PIP5K1B: variants seen among roughly 807,000 people sequenced by gnomAD.
PIP5K1B encodes the protein phosphatidylinositol 4-phosphate 5-kinase type-1 beta.
PIP5K1B carries 42 observed loss-of-function variants against 67.0 expected under a neutral mutation model. That is an observed-to-expected ratio of 0.63 (90% CI 0.49 to 0.81). The LOEUF is 0.81. Ranked by LOEUF, PIP5K1B falls within the 30% of genes least tolerant of loss-of-function variation. PIP5K1B has a pLI of 0.00. For synonymous variants in PIP5K1B, 214 were observed against 231.4 expected, an observed-to-expected ratio of 0.92 and a Z score of 0.68; for missense variants, 459 against 646.3, an observed-to-expected ratio of 0.71 and a Z score of 3.14.
At chr9:68,981,976 C>G (rs1255496017) in intron 14 of PIP5K1B, among the ~76,000 whole-genome samples, 1 of 152,114 alleles carries the variant, frequency 6.6e-6, no homozygotes, top group East Asian at 1.9e-4. Flanking sequence ...CTGGCAGTTT[C>G]TGTGTTTTTA....
At chr9:68,780,008 A>C (rs1831146571) in intron 2 of PIP5K1B, 2 of 976,412 alleles carry the variant, frequency 2.0e-6, no homozygotes, top group East Asian at 6.1e-5. Context: ...GCGAGTACGG[A>C]CATCGCGAGC....
intron 6 of PIP5K1B, 71 bp from the exon 7 acceptor site, chr9:68,888,910 A>G (rs537343199): frequency 7.5e-6 from 8 of 1,066,204 alleles, no homozygotes; most frequent in East Asian, 2.4e-5. Context: ...GTGCAATGCT[A>G]TGATTGTCCT....
chr9:68,981,173 G>A (rs1354446699), intron 14 of PIP5K1B, among the ~76,000 whole-genome samples: 1 of 152,182 alleles, frequency 6.6e-6, no homozygotes, highest in East Asian at 1.9e-4. Context: ...TATAAAGTGA[G>A]AGGGGAAAGC....
intron 14 of PIP5K1B, among the ~76,000 whole-genome samples, chr9:68,952,790 C>CCTGCCTGT (rs1162789387): frequency 3.3e-5 from 5 of 151,542 alleles, no homozygotes; most frequent in Non-Finnish European, 5.9e-5. Flanking sequence ...GCTTTCTTTG[C>CCTGCCTGT]CTGCCTGTCT....
chr9:68,919,759 T>A, intron 11 of PIP5K1B, 30 bp downstream of exon 11: 1 of 1,276,738 alleles, frequency 7.8e-7, no homozygotes, highest in East Asian at 2.3e-5. Flanking sequence ...TATTATACTG[T>A]ATATATTTCT....
rs146906654 is a variant in PIP5K1B at position 68,937,856 on chromosome 9, T to C, written c.1358-2790T>C. On this transcript the variant is annotated intron_variant, in intron 13 of 15. Coordinates refer to ENST00000265382, the MANE Select transcript of PIP5K1B (RefSeq NM_003558.4). ...CTTTATTTCTGCCTTCATTTTGTTA[T>C]TTACCCGGTAGTCATTCAGGAGCAG... Among the ~76,000 whole-genome samples the C allele has an allele frequency of 4.0e-3, 615 of 152,340 alleles. 1 individual carries two copies. Among genetic ancestry groups the C allele is most frequent in the Non-Finnish European group, 6.6e-3 (447 of 68,030 alleles).
chr9:68,780,968 T>G (rs745350201), intron 2 of PIP5K1B: 6 of 1,614,114 alleles, frequency 3.7e-6, no homozygotes, highest in Non-Finnish European at 4.2e-6. Flanking sequence ...CCGACTCTCC[T>G]GTGTCACCTG....
chr9:68,940,946 T>C (rs1827530114), intron 14 of PIP5K1B, 156 bp downstream of exon 14: 1 of 748,198 alleles, frequency 1.3e-6, no homozygotes, highest in African/African-American at 1.7e-5. Context: ...ATTTTTACTG[T>C]GGCAAAAGAA....
intron 2 of PIP5K1B, among the ~76,000 whole-genome samples, chr9:68,773,050 T>C (rs1055586172): frequency 6.6e-6 from 1 of 152,188 alleles, no homozygotes; most frequent in Non-Finnish European, 1.5e-5. Context: ...GCTGGAAGTA[T>C]GATAATCTGA....
chr9:68,932,713 G>T (rs1479981895), intron 12 of PIP5K1B, among the ~76,000 whole-genome samples: 1 of 152,136 alleles, frequency 6.6e-6, no homozygotes, highest in Non-Finnish European at 1.5e-5. Flanking sequence ...GTCTTATGAT[G>T]ATGATGAAAA....
intron 1 of PIP5K1B, among the ~76,000 whole-genome samples, chr9:68,711,806 G>A (rs1274746474): frequency 6.6e-6 from 1 of 152,128 alleles, no homozygotes; most frequent in Non-Finnish European, 1.5e-5. Context: ...TTATTTGAAA[G>A]TATTCAGTAA....
In PIP5K1B at chr9:68,940,760, C is replaced by T; in HGVS notation, c.1472C>T (p.Pro491Leu). Residue 491 changes from proline to leucine, a missense_variant, in exon 14 of 16, where the codon CCA becomes CTA. This residue lies in a region of PIP5K1B where 169 missense variants were observed against 171.9 expected (regional missense o/e 0.98). Coordinates refer to ENST00000265382, the MANE Select transcript of PIP5K1B (RefSeq NM_003558.4). ...TCCTTATACGTCAATGAGCACTATC[C>T]ACACGACAGGCCTACACTCTATTCA... ...SSSLYVNEHY[P>L]HDRPTLYSNS... 6.2e-7 allele frequency: 1 copy of T among 1,613,938 alleles called. No homozygotes were observed. Among genetic ancestry groups the T allele is most frequent in the Non-Finnish European group, 8.5e-7 (1 of 1,179,868 alleles).
intron 14 of PIP5K1B, among the ~76,000 whole-genome samples, chr9:68,944,738 T>C (rs572480391): frequency 4.1e-4 from 62 of 152,292 alleles, no homozygotes; most frequent in Non-Finnish European, 8.4e-4. Context: ...TACAGTGTCA[T>C]AAACCTAGAA....
rs186353016 is a variant in PIP5K1B, at chr9:68,914,235, G to A, written c.772-3313G>A. 1.6e-3 allele frequency among the ~76,000 whole-genome samples: 250 copies of A among 152,224 alleles called. 2 individuals carry two copies. Among genetic ancestry groups the A allele is most frequent in the African/African-American group, 5.8e-3 (241 of 41,526 alleles). On this transcript the variant is annotated intron_variant, in intron 8 of 15. Transcript: ENST00000265382. ...AGAATTCATTCATGGATACTCTGTG[G>A]AGGAAAATCATGGTGTCCGGAATGT...
intron 11 of PIP5K1B, among the ~76,000 whole-genome samples, chr9:68,920,803 T>TAAACACAC (rs1826350845): frequency 7.1e-6 from 1 of 141,434 alleles, no homozygotes; most frequent in Non-Finnish European, 1.5e-5. Context: ...TACACACACA[T>TAAACACAC]ACACACACAC....
At chr9:68,860,634 G>A (rs1045252267) in intron 4 of PIP5K1B, among the ~76,000 whole-genome samples, 4 of 152,178 alleles carry the variant, frequency 2.6e-5, no homozygotes, top group Non-Finnish European at 5.9e-5. Flanking sequence ...CTGATATGGA[G>A]GCAGCCTGAA....
intron 15 of PIP5K1B, among the ~76,000 whole-genome samples, chr9:68,992,190 C>T (rs886172849): frequency 1.7e-3 from 2 of 1,166 alleles, no homozygotes; most frequent in Admixed American, 0.029. Context: ...CTCAAACTCC[C>T]GACCTCAGGT....
intron 2 of PIP5K1B, among the ~76,000 whole-genome samples, chr9:68,792,838 A>ATGGCTGAGCCCTTTATAGT (rs1447591899): frequency 6.6e-6 from 1 of 152,220 alleles, no homozygotes; most frequent in Non-Finnish European, 1.5e-5. Flanking sequence ...GTTCAGTCAC[A>ATGGCTGAGCCCTTTATAGT]TGGCTGAGCC....
intron 13 of PIP5K1B, among the ~76,000 whole-genome samples, chr9:68,936,684 C>G (rs1035549475): frequency 1.3e-5 from 2 of 152,110 alleles, no homozygotes; most frequent in African/African-American, 4.8e-5. Flanking sequence ...TTCCCATAAA[C>G]CAACTTTTAC....
Sources: allele counts gnomAD v4.1 joint callset (sites outside exome capture counted in the v4.1 genomes callset), GRCh38; gene constraint gnomAD v4.1.1; regional missense constraint gnomAD v4.1.1; transcripts MANE v1.5; gene names NCBI Gene and HGNC (gene_info 2026-07-23, HGNC 2026-07-21).